The following TMTC2 variants were observed in gnomAD, a reference collection of about 807,000 sequenced individuals.
The protein encoded by TMTC2 is protein O-mannosyl-transferase TMTC2.
TMTC2 carries 43 observed loss-of-function variants against 82.4 expected under a neutral mutation model. The ratio of observed to expected loss-of-function variants is 0.52; its 90% CI spans 0.41 to 0.67. TMTC2 has a LOEUF of 0.67. Among genes scored for constraint, TMTC2 ranks in the 30% least tolerant of loss-of-function variants. The pLI is 0.00. For synonymous variants in TMTC2, 408 were observed against 381.9 expected (o/e 1.07, Z -0.80); for missense variants, 919 against 1,012.4 (o/e 0.91, Z 1.25).
chr12:82,948,422 G>A (rs1435685717), intron 4 of TMTC2, among the ~76,000 whole-genome samples: 1 of 152,068 alleles, frequency 6.6e-6, no homozygotes, highest in East Asian at 1.9e-4. Context: ...TAATTCTGAA[G>A]TATTCAGGAT....
intron 1 of TMTC2, among the ~76,000 whole-genome samples, chr12:82,835,781 G>A (rs1438059014): frequency 2.0e-5 from 3 of 152,100 alleles, no homozygotes; most frequent in Non-Finnish European, 4.4e-5. Flanking sequence ...TTGGTAAATC[G>A]CTGTTGCTCC....
chr12:83,095,220 TTTTTTTTTTGTTTTTTTTTTTG>T (rs1181562978), intron 11 of TMTC2, among the ~76,000 whole-genome samples: 4 of 121,338 alleles, frequency 3.3e-5, no homozygotes, highest in Non-Finnish European at 6.9e-5. Context: ...ATTTCATGGT[TTTTTTTTTTGTTTTTTTTTTTG>T]TTTTTTTTGT....
intron 2 of TMTC2, among the ~76,000 whole-genome samples, chr12:82,877,965 C>T (rs1872660401): frequency 2.0e-5 from 3 of 152,146 alleles, no homozygotes. Flanking sequence ...AAAGAACCCC[C>T]ACTCTATATT....
At chr12:82,768,831 G>A (rs1877128491) in intron 1 of TMTC2, among the ~76,000 whole-genome samples, 1 of 151,904 alleles carries the variant, frequency 6.6e-6, no homozygotes, top group Admixed American at 6.6e-5. Context: ...AAGAATGATG[G>A]GGATCACACA....
chr12:82,993,510 T>A (rs1460269617), intron 8 of TMTC2, among the ~76,000 whole-genome samples: 1 of 152,104 alleles, frequency 6.6e-6, no homozygotes, highest in Non-Finnish European at 1.5e-5. Context: ...ACATAAAATA[T>A]ACGTAGATAC....
chr12:82,762,689 T>C (rs190222025), intron 1 of TMTC2, among the ~76,000 whole-genome samples: 1 of 152,100 alleles, frequency 6.6e-6, no homozygotes, highest in East Asian at 1.9e-4. Flanking sequence ...AAACATAATA[T>C]GCCAAATAAA....
chr12:83,083,825 A>G (rs548675062), intron 11 of TMTC2, among the ~76,000 whole-genome samples: 1 of 152,348 alleles, frequency 6.6e-6, no homozygotes, highest in East Asian at 1.9e-4. Context: ...GCAGTCTTTT[A>G]CAGTGTTGGA....
chr12:82,709,464 T>A (rs1873526299), intron 1 of TMTC2, among the ~76,000 whole-genome samples: 1 of 152,222 alleles, frequency 6.6e-6, no homozygotes, highest in South Asian at 2.1e-4. Flanking sequence ...TTTATATGCA[T>A]GTGAAATGAA....
chr12:82,804,858 G>A (rs915338955), intron 1 of TMTC2, among the ~76,000 whole-genome samples: 4 of 152,100 alleles, frequency 2.6e-5, no homozygotes, highest in African/African-American at 4.8e-5. Context: ...TGGGCCCTAC[G>A]TAAACACAGT....
intron 4 of TMTC2, among the ~76,000 whole-genome samples, chr12:82,940,488 C>A (rs2137261325): frequency 6.6e-6 from 1 of 151,654 alleles, no homozygotes; most frequent in South Asian, 2.1e-4. Context: ...ATTGGTCATT[C>A]CTGGTTATTT....
chr12:82,882,775 G>C (rs1408795002), intron 2 of TMTC2, among the ~76,000 whole-genome samples: 1 of 152,016 alleles, frequency 6.6e-6, no homozygotes, highest in Admixed American at 6.6e-5. Flanking sequence ...CTATAGTCTA[G>C]GGTGCGTGCA....
chr12:83,038,324 A>T (rs1476561170), intron 9 of TMTC2, among the ~76,000 whole-genome samples: 9 of 152,250 alleles, frequency 5.9e-5, no homozygotes, highest in Middle Eastern at 3.4e-3. Context: ...AAAGTTAGGT[A>T]AACATACAAT....
At chr12:82,829,265 T>G (rs913229675) in intron 1 of TMTC2, among the ~76,000 whole-genome samples, 1 of 152,212 alleles carries the variant, frequency 6.6e-6, no homozygotes. Context: ...TCCTAGTGCT[T>G]GAGTTACTTT....
chr12:82,978,604 T>TA (rs1878783691), intron 7 of TMTC2, among the ~76,000 whole-genome samples: 1 of 151,794 alleles, frequency 6.6e-6, no homozygotes, highest in South Asian at 2.1e-4. Context: ...CTTTGTGGCA[T>TA]AATATGTGGT....
At chr12:83,097,831 G>C (rs543228013) in intron 11 of TMTC2, among the ~76,000 whole-genome samples, 1 of 152,132 alleles carries the variant, frequency 6.6e-6, no homozygotes, top group Non-Finnish European at 1.5e-5. Context: ...GTGTATGAAG[G>C]CCTAAAGAGA....
In TMTC2 at chr12:82,857,135, C is replaced by A. The variant is rs1871297775; in HGVS notation, c.209C>A (p.Thr70Asn). 6.2e-7 allele frequency: 1 copy of A among 1,614,066 alleles called. No individual in the cohort carries two copies. Among genetic ancestry groups the A allele is most frequent in the African/African-American group, 1.3e-5 (1 of 74,930 alleles). ...CACAAGTCCTACCGGCCACTCTGCA[C>A]TCTTTCTTTTCGCCTGAACCATGCC... ...GSHKSYRPLCTLSFRLNHAIG... is the reference protein window; with the variant it reads ...GSHKSYRPLCNLSFRLNHAIG... The change falls in exon 2 of 12, where the codon ACT becomes AAT. Residue 70 changes from threonine to asparagine, a missense_variant. Thr to Asn is a moderately conservative substitution (Grantham distance 65). Coordinates refer to ENST00000321196, the MANE Select transcript of TMTC2 (RefSeq NM_152588.3).
intron 4 of TMTC2, among the ~76,000 whole-genome samples, chr12:82,952,792 C>G (rs886245863): frequency 6.6e-6 from 1 of 152,014 alleles, no homozygotes. Context: ...AGGCTGGTCT[C>G]GAACTCCTGA....
intron 4 of TMTC2, among the ~76,000 whole-genome samples, chr12:82,935,743 C>A (rs1297704306): frequency 6.6e-6 from 1 of 152,070 alleles, no homozygotes; most frequent in Non-Finnish European, 1.5e-5. Context: ...ATGCTATAAT[C>A]AATTCTTGAT....
chr12:83,041,250 G>T (rs764215788), intron 9 of TMTC2, among the ~76,000 whole-genome samples: 2 of 152,198 alleles, frequency 1.3e-5, no homozygotes, highest in Non-Finnish European at 2.9e-5. Context: ...AGATGTAGAT[G>T]TAGGGAGTAG....
Sources: allele counts gnomAD v4.1 joint callset (sites outside exome capture counted in the v4.1 genomes callset), GRCh38; gene constraint gnomAD v4.1.1; transcripts MANE v1.5; gene names NCBI Gene and HGNC (gene_info 2026-07-23, HGNC 2026-07-21).